SLC2A5: variants seen among roughly 807,000 people sequenced by gnomAD.
The protein encoded by SLC2A5 is solute carrier family 2, facilitated glucose transporter member 5.
In SLC2A5, 56 loss-of-function variants were observed where a neutral mutation model predicts 50.3. That is an observed-to-expected ratio of 1.11 (90% CI 0.90 to 1.39). SLC2A5 has a LOEUF of 1.39. SLC2A5 is among the 40% of genes most tolerant of loss of function. SLC2A5 has a pLI of 0.00. For synonymous variants in SLC2A5, 269 were observed against 281.9 expected (o/e 0.95, Z 0.46); for missense variants, 566 against 650.1 (o/e 0.87, Z 1.41).
chr1:9,082,236 C>A (rs1192955816), intron 2 of SLC2A5, among the ~76,000 whole-genome samples: 3 of 152,142 alleles, frequency 2.0e-5, no homozygotes, highest in African/African-American at 7.2e-5. Flanking sequence ...TATGACCTAG[C>A]AATTCTACTC....
intron 3 of SLC2A5, among the ~76,000 whole-genome samples, chr1:9,055,669 A>G (rs1641732777): frequency 1.3e-5 from 2 of 151,964 alleles, no homozygotes; most frequent in Admixed American, 1.3e-4. Flanking sequence ...TCATCTCAGC[A>G]CTTGGGGAGG....
In SLC2A5 at chr1:9,035,130, T is replaced by G. The variant is rs1277122087; in HGVS notation, c.*2456A>C. On this transcript the variant is annotated 3_prime_UTR_variant, in exon 12 of 12. Coordinates refer to ENST00000377424, the MANE Select transcript of SLC2A5 (RefSeq NM_003039.3). ...AGTCATTTAATTCTCACAATGGACA[T>G]GTGAGACATTTACTATTAGTGCCAT... 1 of 152,220 alleles carries G rather than the reference T, an allele frequency of 6.6e-6. No homozygotes were observed. The highest frequency in any genetic ancestry group is 1.5e-5 in the Non-Finnish European group (1 of 68,042). The allele number at this position is 152,220 out of a possible 1,614,324, so 9.4% of individuals were successfully genotyped here. A position where few individuals can be genotyped will look rare whatever the true frequency, so the allele number is the denominator to read the frequency against.
chr1:9,053,401 TTTATATATTA>T (rs1641661289), intron 3 of SLC2A5, among the ~76,000 whole-genome samples: 1 of 70,696 alleles, frequency 1.4e-5, no homozygotes, highest in Non-Finnish European at 2.6e-5. Flanking sequence ...ATATTATATA[TTTATATATTA>T]TATATATTTA....
In SLC2A5 at chr1:9,038,444, A is replaced by C. The variant is rs762940688; in HGVS notation, c.1161T>G (p.His387Gln). Reference sequence around the variant, plus strand: ...TTGGGTACGTACTGGGCCCGAGGGCATGTCCTATGACGTAGGAGATGACAC... The same window carrying C: ...TTGGGTACGTACTGGGCCCGAGGGCCTGTCCTATGACGTAGGAGATGACAC... ...IVCVISYVIG[H>Q]ALGPSPIPAL... The change falls in exon 10 of 12, where the codon CAT becomes CAG. Residue 387 changes from histidine to glutamine, a missense_variant. By Grantham distance (24) the His-to-Gln change is conservative. Transcript: ENST00000377424. 2.5e-6 allele frequency: 4 copies of C among 1,613,160 alleles called. No homozygotes were observed. In the African/African-American group the frequency reaches 4.0e-5, roughly 16 times the overall value.
chr1:9,078,729 T>C (rs902801311), intron 2 of SLC2A5, among the ~76,000 whole-genome samples: 2 of 152,184 alleles, frequency 1.3e-5, no homozygotes, highest in Non-Finnish European at 2.9e-5. Context: ...GAGGCAGCTA[T>C]CAGGAACAAA....
upstream of SLC2A5, among the ~76,000 whole-genome samples, chr1:9,091,451 C>T (rs1642461426): frequency 6.6e-6 from 1 of 152,168 alleles, no homozygotes; most frequent in Non-Finnish European, 1.5e-5. Flanking sequence ...TCAATAATTA[C>T]ACACAAAAGC....
At chr1:9,072,681 C>T (rs889750446), upstream of SLC2A5, among the ~76,000 whole-genome samples, 3 of 151,542 alleles carry the variant, frequency 2.0e-5, no homozygotes, top group South Asian at 2.1e-4. Context: ...CTAGGCCAGG[C>T]GTGGTAGCCT....
chr1:9,041,631 T>C (rs1641303771), intron 5 of SLC2A5, 154 bp downstream of exon 5: 1 of 1,488,728 alleles, frequency 6.7e-7, no homozygotes, highest in East Asian at 2.4e-5. Flanking sequence ...CTATGTTGGC[T>C]CGGGACAGGA....
intron 9 of SLC2A5, 105 bp downstream of exon 9, chr1:9,038,721 GCT>G: frequency 6.9e-7 from 1 of 1,450,028 alleles, no homozygotes; most frequent in East Asian, 2.5e-5. Flanking sequence ...TGCTAAAACA[GCT>G]CATTGTGACC....
chr1:9,088,776 C>T (rs911083058), upstream of SLC2A5, among the ~76,000 whole-genome samples: 1 of 152,116 alleles, frequency 6.6e-6, no homozygotes, highest in Non-Finnish European at 1.5e-5. Flanking sequence ...GAGCAAGACT[C>T]CGTCTCAAAA....
rs1251075567 is a variant in SLC2A5, at chr1:9,037,952, C to T, written c.1247G>A (p.Gly416Asp). The change falls in exon 11 of 12, where the codon GGC becomes GAC. Residue 416 changes from glycine to aspartate, a missense_variant. Transcript: ENST00000377424. ...SSRPSAFMVG[G>D]SVHWLSNFTV... ...GAAGTTGGAGAGCCAGTGCACACTG[C>T]CCCCCACCATGAAGGCAGATGGCCG... The T allele has an allele frequency of 6.2e-7, 1 of 1,613,922 alleles. No individual in the cohort carries two copies. Among genetic ancestry groups the T allele is most frequent in the East Asian group, 2.2e-5 (1 of 44,876 alleles).
rs1408559811 is a variant in SLC2A5 at position 9,037,997 on chromosome 1, TCA to T, written c.1200_1201del (p.Glu401AspfsTer79). The stretch of plus-strand genomic sequence containing the variant: ...TGGCCGAGAGGACTGCAGGAAGATC[TCA>T]GTGATGAGCAGCGCGGGTATGGGAC... On this transcript the variant is annotated frameshift_variant, in exon 11 of 12. Transcript: ENST00000377424. LOFTEE classifies it high-confidence loss of function. 1 of 1,613,838 alleles carries T rather than the reference TCA, an allele frequency of 6.2e-7. No individual in the cohort carries two copies. The highest frequency in any genetic ancestry group is 8.5e-7 in the Non-Finnish European group (1 of 1,179,992).
chr1:9,043,746 A>T (rs1446718685), intron 4 of SLC2A5, among the ~76,000 whole-genome samples: 1 of 147,584 alleles, frequency 6.8e-6, no homozygotes, highest in African/African-American at 2.5e-5. Flanking sequence ...TCGAGATGCG[A>T]GTTTCGCTCT....
intron 1 of SLC2A5, among the ~76,000 whole-genome samples, chr1:9,085,808 C>A (rs1642395711): frequency 6.6e-6 from 1 of 152,152 alleles, no homozygotes; most frequent in African/African-American, 2.4e-5. Context: ...GTGCTGGCTG[C>A]AGAAAGGTTT....
rs770313806 is a variant in SLC2A5 at position 9,039,906 on chromosome 1, G to T, written c.779C>A (p.Ala260Glu). 3.1e-6 allele frequency: 5 copies of T among 1,612,854 alleles called. No individual in the cohort carries two copies. In the South Asian group the frequency reaches 5.5e-5, roughly 18 times the overall value. The part of the protein sequence containing the change: ...IRQEDEAEKA[A>E]GFISVLKLFR... The stretch of plus-strand genomic sequence containing the variant: ...CAGCTTCAGCACGGAGATGAAGCCC[G>T]CGGCCTTCTCTGCCTCATCCTCCTG... Residue 260 changes from alanine to glutamate, a missense_variant, in exon 7 of 12, where the codon GCG (alanine) becomes GAG (glutamate). Physicochemically the swap from Ala to Glu is moderately radical, Grantham distance 107 (BLOSUM62 -1). Transcript: ENST00000377424.
intron 8 of SLC2A5, 29 bp from the exon 9 acceptor site, chr1:9,038,958 G>T (rs747580190): frequency 6.2e-7 from 1 of 1,601,406 alleles, no homozygotes; most frequent in South Asian, 1.1e-5. Context: ...GCTCAGGCGG[G>T]AGAGGCCCAG....
chr1:9,081,824 A>G (rs1369260375), intron 2 of SLC2A5, among the ~76,000 whole-genome samples: 1 of 152,160 alleles, frequency 6.6e-6, no homozygotes, highest in Non-Finnish European at 1.5e-5. Flanking sequence ...GCTCACATCT[A>G]TAATTCCAGC....
intron 9 of SLC2A5, 74 bp from the exon 10 acceptor site, chr1:9,038,580 C>T: frequency 2.9e-6 from 4 of 1,373,048 alleles, no homozygotes; most frequent in Middle Eastern, 3.7e-4. Context: ...GCCAACCTGC[C>T]CTGGTGGGTG....
At position 9,047,777 on chromosome 1, in the gene SLC2A5, C is replaced by T. The variant is rs745649877; in HGVS notation, c.294-43G>A. 11 of 1,601,402 alleles carry T rather than the reference C, an allele frequency of 6.9e-6. No homozygotes were observed. In the Admixed American group the frequency reaches 1.4e-4, roughly 20 times the overall value. On this transcript the variant is annotated intron_variant, in intron 3 of 11. Coordinates refer to ENST00000377424, the MANE Select transcript of SLC2A5 (RefSeq NM_003039.3). Reference sequence around the variant, plus strand: ...TCAGTTAGTTTTGCTGAAGAATTCACTCTTTCATTCAAGAAATGTTTCTGG... The same window carrying T: ...TCAGTTAGTTTTGCTGAAGAATTCATTCTTTCATTCAAGAAATGTTTCTGG...
Sources: allele counts gnomAD v4.1 joint callset (sites outside exome capture counted in the v4.1 genomes callset), GRCh38; gene constraint gnomAD v4.1.1; transcripts MANE v1.5; gene names NCBI Gene and HGNC (gene_info 2026-07-23, HGNC 2026-07-21).